PKHD1: variants seen among roughly 807,000 people sequenced by gnomAD.
PKHD1 encodes the protein PKHD1 ciliary IPT domain containing fibrocystin/polyductin, also known as fibrocystin.
A neutral mutation model predicts 412.0 loss-of-function variants in PKHD1; 291 were observed. The ratio of observed to expected loss-of-function variants is 0.71; its 90% CI spans 0.64 to 0.78. The LOEUF is 0.78. Ranked by LOEUF, PKHD1 falls within the 30% of genes least tolerant of loss-of-function variation. The pLI is 0.00. For synonymous variants in PKHD1, 1,777 were observed against 1,821.5 expected (o/e 0.98, Z 0.62); for missense variants, 4,825 against 4,950.7 (o/e 0.97, Z 0.76).
rs1047694273 is a variant in PKHD1, at chr6:52,028,140, C to G, written c.3560+16G>C. 6.2e-7 allele frequency: 1 copy of G among 1,610,460 alleles called. No homozygotes were observed. The highest frequency in any genetic ancestry group is 1.1e-5 in the South Asian group (1 of 90,998). ...CCATCAAACAAATCCAAAATTAATGCAAGTGGTCACCTCACCCTTGTGAGT... is the reference window on the plus strand; with the variant it reads ...CCATCAAACAAATCCAAAATTAATGGAAGTGGTCACCTCACCCTTGTGAGT... On this transcript the variant is annotated intron_variant, in intron 30 of 66. Transcript: ENST00000371117.
intron 52 of PKHD1, among the ~76,000 whole-genome samples, chr6:51,798,097 G>A (rs1794873525): frequency 6.6e-6 from 1 of 152,124 alleles, no homozygotes; most frequent in African/African-American, 2.4e-5. Flanking sequence ...CTAGGTTGGG[G>A]GCCAGGTGCA....
chr6:51,940,792 AC>A lies in PKHD1; in HGVS notation c.5909-6471del, dbSNP rs1377708558. Among the ~76,000 whole-genome samples, 11 of 151,468 alleles carry A rather than the reference AC, an allele frequency of 7.3e-5. 1 individual carries two copies. Among genetic ancestry groups the A allele is most frequent in the African/African-American group, 2.7e-4 (11 of 41,358 alleles). ...ACTCCACATTACCTTCTTTTCAAGG[AC>A]CTGTTTCCCTTGCCTCCATAACTGT... On this transcript the variant is annotated intron_variant, in intron 36 of 66. Coordinates refer to ENST00000371117, the MANE Select transcript of PKHD1 (RefSeq NM_138694.4).
intron 36 of PKHD1, among the ~76,000 whole-genome samples, chr6:51,957,286 G>A (rs1791292803): frequency 6.6e-6 from 1 of 152,076 alleles, no homozygotes; most frequent in Admixed American, 6.6e-5. Context: ...AAAATAGGGT[G>A]TAGTTCCTAC....
At chr6:51,836,604 G>C (rs1769271324) in intron 50 of PKHD1, 135 bp from the exon 51 acceptor site, 2 of 691,748 alleles carry the variant, frequency 2.9e-6, no homozygotes, top group Admixed American at 4.4e-5. Flanking sequence ...TGAAATCCTT[G>C]TTAGTTAATC....
At position 51,620,341 on chromosome 6, in the gene PKHD1, C is replaced by G. The variant is rs540836280; in HGVS notation, c.11786-821G>C. Among the ~76,000 whole-genome samples, 80 of 152,104 alleles carry G rather than the reference C, an allele frequency of 5.3e-4. 3 individuals are homozygous for G. The South Asian group carries it at 0.016, about 30-fold the overall frequency. ...ATACATAAACAGATGATCTAGGCACCATATAATACTGTGTAAAGATAAAGA... is the reference window on the plus strand; with the variant it reads ...ATACATAAACAGATGATCTAGGCACGATATAATACTGTGTAAAGATAAAGA... On this transcript the variant is annotated intron_variant, in intron 66 of 66. Coordinates refer to ENST00000371117, the MANE Select transcript of PKHD1 (RefSeq NM_138694.4).
intron 35 of PKHD1, among the ~76,000 whole-genome samples, chr6:51,971,680 GT>G (rs1793685583): frequency 6.6e-6 from 1 of 151,016 alleles, no homozygotes; most frequent in Non-Finnish European, 1.5e-5. Context: ...GAAGTTTTTT[GT>G]TTGTTTTTTG....
At chr6:52,051,658 G>A (rs1806863451) in intron 21 of PKHD1, among the ~76,000 whole-genome samples, 3 of 152,166 alleles carry the variant, frequency 2.0e-5, no homozygotes, top group Admixed American at 2.0e-4. Flanking sequence ...TGAATCCTTG[G>A]CTTCAAGTGT....
intron 35 of PKHD1, among the ~76,000 whole-genome samples, chr6:51,976,740 G>C (rs975548452): frequency 4.6e-5 from 7 of 152,138 alleles, no homozygotes; most frequent in African/African-American, 1.7e-4. Flanking sequence ...ACAAGGCCAA[G>C]GGATCGAGAC....
chr6:51,891,380 A>C (rs1169207023), intron 43 of PKHD1, among the ~76,000 whole-genome samples: 1 of 152,082 alleles, frequency 6.6e-6, no homozygotes, highest in Non-Finnish European at 1.5e-5. Flanking sequence ...CCCGGATTCA[A>C]GCGATTCTCC....
At chr6:51,661,879 T>C (rs116747923) in intron 60 of PKHD1, among the ~76,000 whole-genome samples, 2,151 of 152,150 alleles carry the variant, frequency 0.014, 55 homozygotes, top group African/African-American at 0.049. Context: ...ATGTAGGAAA[T>C]ACTAGATTTG....
intron 60 of PKHD1, among the ~76,000 whole-genome samples, chr6:51,717,762 A>T (rs1372577053): frequency 6.6e-6 from 1 of 152,232 alleles, no homozygotes; most frequent in Non-Finnish European, 1.5e-5. Context: ...ATCCGTCAAT[A>T]GGCAGGGAAA....
chr6:52,029,576 T>C (rs769806591), intron 29 of PKHD1, among the ~76,000 whole-genome samples: 23 of 152,342 alleles, frequency 1.5e-4, no homozygotes, highest in Non-Finnish European at 2.5e-4. Context: ...GAGAGTTGAA[T>C]TGGAGCTTGA....
chr6:51,766,249 G>T (rs537951102), intron 55 of PKHD1, among the ~76,000 whole-genome samples: 1 of 152,114 alleles, frequency 6.6e-6, no homozygotes, highest in Non-Finnish European at 1.5e-5. Flanking sequence ...GCACACCAAA[G>T]CATACCTATC....
intron 60 of PKHD1, among the ~76,000 whole-genome samples, chr6:51,666,389 A>T (rs1040849491): frequency 6.6e-6 from 1 of 152,142 alleles, no homozygotes; most frequent in African/African-American, 2.4e-5. Flanking sequence ...TATAACAACA[A>T]TGTTGTAATA....
At position 51,787,349 on chromosome 6, in the gene PKHD1, A is replaced by G. The variant is rs146520358; in HGVS notation, c.8440+3887T>C. Among the ~76,000 whole-genome samples the G allele has an allele frequency of 2.2e-3, 294 of 136,108 alleles. 2 individuals carry two copies. The highest frequency in any genetic ancestry group is 7.1e-3 in the African/African-American group (272 of 38,480). The allele number at this position is 136,108 out of a possible 152,430, so 89.3% of individuals were successfully genotyped here. ...ACTCCAGCCTGGGCAATAAGAGCAA[A>G]ACTCCATCTCAAGAAAAAAAAAAAA... On this transcript the variant is annotated intron_variant, in intron 53 of 66. Coordinates refer to ENST00000371117, the MANE Select transcript of PKHD1 (RefSeq NM_138694.4).
intron 18 of PKHD1, 28 bp downstream of exon 18, chr6:52,056,670 A>G (rs1807797401): frequency 2.0e-6 from 3 of 1,465,036 alleles, no homozygotes; most frequent in South Asian, 2.3e-5. Context: ...GATGAAAAAG[A>G]CAATCAGAAT....
At position 51,747,824 on chromosome 6, in the gene PKHD1, C is replaced by T. The variant is rs749522677; in HGVS notation, c.9792G>A (p.Arg3264=). 1 of 1,613,870 alleles carries T rather than the reference C, an allele frequency of 6.2e-7. No individual in the cohort carries two copies. Residue 3264 remains arginine, a synonymous_variant, in exon 58 of 67, where the codon AGG becomes AGA. Transcript: ENST00000371117. ...QWPQEPWHKV[R]NDHSISGIMK... ...TGATTCCTGAAATTGAATGATCATT[C>T]CTCACTTTGTGCCATGGCTCCTGAG...
At chr6:51,920,139 C>A (rs999808536) in intron 37 of PKHD1, among the ~76,000 whole-genome samples, 1 of 152,224 alleles carries the variant, frequency 6.6e-6, no homozygotes, top group Admixed American at 6.5e-5. Flanking sequence ...GCCTGATGGC[C>A]CAGGCCAGAA....
intron 53 of PKHD1, among the ~76,000 whole-genome samples, chr6:51,781,764 A>G (rs1328350108): frequency 4.6e-5 from 7 of 152,080 alleles, no homozygotes; most frequent in Non-Finnish European, 1.0e-4. Context: ...ATTTAAAATT[A>G]ACCTTTAAAT....
Sources: allele counts gnomAD v4.1 joint callset (sites outside exome capture counted in the v4.1 genomes callset), GRCh38; gene constraint gnomAD v4.1.1; transcripts MANE v1.5; gene names NCBI Gene and HGNC (gene_info 2026-07-23, HGNC 2026-07-21).